RFT1: variants seen among roughly 807,000 people sequenced by gnomAD.
The protein encoded by RFT1 is RFT1 glycolipid translocator homolog, also known as man(5)GlcNAc(2)-PP-dolichol translocation protein RFT1.
Under a neutral mutation model 62.2 loss-of-function variants are expected in RFT1, and 43 were observed. That is an observed-to-expected ratio of 0.69 (90% CI 0.54 to 0.89). The LOEUF (loss-of-function observed/expected upper bound fraction) is 0.89, where lower values mean the gene tolerates loss of function less well. Among genes scored for constraint, RFT1 ranks in the 40% least tolerant of loss-of-function variants. The pLI, the probability that RFT1 is intolerant of heterozygous loss-of-function variation, is 0.00. For missense variants in RFT1, 605 were observed against 649.9 expected (o/e 0.93, Z 0.75); for synonymous variants, 262 against 264.6 (o/e 0.99, Z 0.10).
chr3:53,103,378 T>C (rs753407752), intron 10 of RFT1: 17 of 524,188 alleles, frequency 3.2e-5, no homozygotes, highest in Non-Finnish European at 3.7e-5. Context: ...ACCTAACAAG[T>C]GCTGTGAGAT....
intron 10 of RFT1, among the ~76,000 whole-genome samples, chr3:53,100,948 C>G (rs751812592): frequency 2.1e-5 from 3 of 144,308 alleles, no homozygotes; most frequent in Admixed American, 7.0e-5. Context: ...TATACCTCAA[C>G]AAAGGGAGAA....
chr3:53,107,899 G>C (rs1056008014), intron 7 of RFT1, among the ~76,000 whole-genome samples: 3 of 152,158 alleles, frequency 2.0e-5, no homozygotes, highest in Non-Finnish European at 2.9e-5. Flanking sequence ...CTTCTCTCAA[G>C]ACTTTCTCCC....
intron 11 of RFT1, among the ~76,000 whole-genome samples, chr3:53,096,111 C>T (rs968492578): frequency 1.3e-5 from 2 of 152,180 alleles, no homozygotes; most frequent in Non-Finnish European, 2.9e-5. Context: ...TCACTATATA[C>T]CCGTTTTCAT....
At chr3:53,118,959 C>T (rs1359912197) in intron 6 of RFT1, among the ~76,000 whole-genome samples, 1 of 152,056 alleles carries the variant, frequency 6.6e-6, no homozygotes, top group Non-Finnish European at 1.5e-5. Context: ...GCTCATAATC[C>T]CAGCACTTTG....
chr3:53,112,976 C>T (rs921967480), intron 6 of RFT1, among the ~76,000 whole-genome samples: 2 of 152,158 alleles, frequency 1.3e-5, no homozygotes, highest in South Asian at 4.2e-4. Flanking sequence ...CTTGTAGGCA[C>T]CCTGGGATCC....
At position 53,125,971 on chromosome 3, in the gene RFT1, A is replaced by G. The variant is rs1315624062; in HGVS notation, c.87T>C (p.Phe29=). ...AGCGAAGAATAAATGCATTCAAGACAAAGGTGATCAACCGAAACAACACCT... is the reference window on the plus strand; with the variant it reads ...AGCGAAGAATAAATGCATTCAAGACGAAGGTGATCAACCGAAACAACACCT... ...LLQVLFRLIT[F]VLNAFILRFL... The change falls in exon 2 of 13, where the codon TTT becomes TTC. Residue 29 remains phenylalanine (F), a synonymous_variant. Transcript: ENST00000296292. The G allele has an allele frequency of 6.2e-7, 1 of 1,613,738 alleles. No individual in the cohort carries two copies. The highest frequency in any genetic ancestry group is 1.7e-5 in the Admixed American group (1 of 59,984).
chr3:53,113,357 T>C (rs953386980), intron 6 of RFT1, among the ~76,000 whole-genome samples: 8 of 151,756 alleles, frequency 5.3e-5, no homozygotes, highest in African/African-American at 1.9e-4. Flanking sequence ...TTTTGAAAAG[T>C]AGTGATTATC....
the RFT1 span, among the ~76,000 whole-genome samples, chr3:53,075,825 CGA>C: frequency 2.0e-5 from 3 of 152,124 alleles, no homozygotes; most frequent in Admixed American, 6.5e-5. Context: ...ATGGGGGAGA[CGA>C]GACACAGGGA....
At chr3:53,112,558 A>AT (rs1701681645) in intron 6 of RFT1, among the ~76,000 whole-genome samples, 1 of 152,174 alleles carries the variant, frequency 6.6e-6, no homozygotes, top group Non-Finnish European at 1.5e-5. Flanking sequence ...CTTGGCCAAC[A>AT]TGGCAAAAAC....
At chr3:53,123,911 G>T in intron 2 of RFT1, 71 bp from the exon 3 acceptor site, 1 of 1,239,162 alleles carries the variant, frequency 8.1e-7, no homozygotes, top group Non-Finnish European at 1.2e-6. Context: ...GATTTTTCCA[G>T]CAACAGGGAG....
chr3:53,116,291 CTTTTTT>C (rs71087059), intron 6 of RFT1, among the ~76,000 whole-genome samples: 3 of 113,634 alleles, frequency 2.6e-5, no homozygotes, highest in Admixed American at 8.9e-5. Context: ...CATCTCATTT[CTTTTTT>C]TTTTTTTTTT....
chr3:53,103,195 T>C (rs1490504968), intron 10 of RFT1: 4 of 985,288 alleles, frequency 4.1e-6, no homozygotes, highest in East Asian at 1.1e-4. Context: ...ACTTGTAAAA[T>C]GGCATTTGAC....
intron 4 of RFT1, among the ~76,000 whole-genome samples, chr3:53,122,081 T>G (rs1701985029): frequency 6.6e-6 from 1 of 152,234 alleles, no homozygotes; most frequent in African/African-American, 2.4e-5. Context: ...CAACTAAATA[T>G]AACCACTAGA....
At chr3:53,129,748 C>G (rs1291072258) in intron 1 of RFT1, among the ~76,000 whole-genome samples, 1 of 152,122 alleles carries the variant, frequency 6.6e-6, no homozygotes, top group South Asian at 2.1e-4. Flanking sequence ...ATACTAAGAG[C>G]CGGGTACTGT....
chr3:53,104,012 A>G lies in RFT1; in HGVS notation c.1043T>C (p.Phe348Ser). 1 of 1,614,230 alleles carries G rather than the reference A, an allele frequency of 6.2e-7. No individual in the cohort carries two copies. The highest frequency in any genetic ancestry group is 8.5e-7 in the Non-Finnish European group (1 of 1,180,046). Reference sequence around the variant, plus strand: ...ATCCAGAGCCAGCTGAGAATAGGCAAAGCCAAAAACAGTGATGGTCAGGCC... The same window carrying G: ...ATCCAGAGCCAGCTGAGAATAGGCAGAGCCAAAAACAGTGATGGTCAGGCC... ...LAGLTITVFG[F>S]AYSQLALDIY... Residue 348 changes from phenylalanine to serine, a missense_variant, in exon 10 of 13, where the codon TTT (phenylalanine) becomes TCT (serine). Coordinates refer to ENST00000296292, the MANE Select transcript of RFT1 (RefSeq NM_052859.4).
intron 1 of RFT1, among the ~76,000 whole-genome samples, chr3:53,127,884 C>G (rs115828143): frequency 0.01 from 1,558 of 152,236 alleles, 29 homozygotes; most frequent in African/African-American, 0.036. Flanking sequence ...TAAGATAGAA[C>G]AAGCTCTCAA....
chr3:53,099,532 C>G (rs1358137087), intron 10 of RFT1, 46 bp from the exon 11 acceptor site: 1 of 1,429,218 alleles, frequency 7.0e-7, no homozygotes, highest in African/African-American at 1.4e-5. Context: ...AATCAGAAGG[C>G]CCACATGTAC....
Position 53,107,293 on chromosome 3 carries a change from A to C in RFT1, c.776-424T>G, listed in dbSNP as rs185002741. Among the ~76,000 whole-genome samples the C allele has an allele frequency of 4.7e-3, 714 of 152,036 alleles. 3 individuals carry two copies. Among genetic ancestry groups the C allele is most frequent in the African/African-American group, 0.016 (666 of 41,442 alleles). On this transcript the variant is annotated intron_variant, in intron 7 of 12. Transcript: ENST00000296292. ...TGGGACTACAGGCGCCCGCCACCGC[A>C]CCCGGCTAATTTTTTTTGTATTTTT...
chr3:53,073,757 C>T, the RFT1 span, among the ~76,000 whole-genome samples: 1 of 152,180 alleles, frequency 6.6e-6, no homozygotes. Flanking sequence ...CTCTGGAGAG[C>T]AGAGGCCCCG....
Sources: gnomAD v4.1 joint callset for allele counts (sites outside exome capture counted in the v4.1 genomes callset) on GRCh38, gnomAD v4.1.1 for gene constraint, MANE v1.5 for transcripts, NCBI Gene and HGNC (gene_info 2026-07-23, HGNC 2026-07-21) for gene names.